The following LYRM4 variants were observed in gnomAD, a reference collection of about 807,000 sequenced individuals.
The protein encoded by LYRM4 is LYR motif-containing protein 4.
A neutral mutation model predicts 11.7 loss-of-function variants in LYRM4; 9 were observed. That is an observed-to-expected ratio of 0.77 (90% CI 0.46 to 1.34). LYRM4 has a LOEUF of 1.34. LYRM4 is among the 40% of genes most tolerant of loss of function. The probability of loss-of-function intolerance (pLI) is 0.00; values close to 1 mark genes in which losing one functional copy is unlikely to be tolerated. For missense variants in LYRM4, 133 were observed against 112.5 expected, an observed-to-expected ratio of 1.18 and a Z score of -0.82; for synonymous variants, 42 against 40.4, an observed-to-expected ratio of 1.04 and a Z score of -0.15.
intron 1 of LYRM4, among the ~76,000 whole-genome samples, chr6:5,219,435 G>A (rs148900453): frequency 1.3e-5 from 2 of 152,344 alleles, no homozygotes; most frequent in African/African-American, 2.4e-5. Context: ...GATGAATGCT[G>A]TAATGGTTCC....
Position 5,215,801 on chromosome 6 carries a change from T to C in LYRM4, c.207+817A>G, listed in dbSNP as rs549478187. On this transcript the variant is annotated intron_variant, in intron 2 of 2. Transcript: ENST00000330636. The stretch of plus-strand genomic sequence containing the variant: ...GTAAAGAGTTTCCCCCTCCACACTT[T>C]ATAAGCAAATTTCCTGCAAGTAAAA... Among the ~76,000 whole-genome samples, 13 of 152,302 alleles carry C rather than the reference T, an allele frequency of 8.5e-5. No homozygotes were observed. In the South Asian group the frequency reaches 2.7e-3, roughly 32 times the overall value.
the LYRM4 span, chr6:5,043,247 T>G: frequency 1.3e-5 from 2 of 150,934 alleles, no homozygotes; most frequent in African/African-American, 2.5e-5. Flanking sequence ...CCAATTTTTT[T>G]GAGATATATA....
chr6:5,127,200 T>C (rs1285575046), intron 2 of LYRM4, among the ~76,000 whole-genome samples: 1 of 152,204 alleles, frequency 6.6e-6, no homozygotes, highest in Non-Finnish European at 1.5e-5. Flanking sequence ...TCTGCCCACG[T>C]TGGCCTCCCA....
chr6:5,153,962 C>CT (rs2127643336), intron 2 of LYRM4, among the ~76,000 whole-genome samples: 1 of 152,242 alleles, frequency 6.6e-6, no homozygotes, highest in East Asian at 1.9e-4. Flanking sequence ...ATGGAATGCT[C>CT]TGATTGTAAA....
chr6:5,065,374 C>T, the LYRM4 span, among the ~76,000 whole-genome samples: 3 of 152,008 alleles, frequency 2.0e-5, no homozygotes, highest in Admixed American at 1.3e-4. Context: ...AAAATTTAAA[C>T]AATTTCATTC....
intron 2 of LYRM4, among the ~76,000 whole-genome samples, chr6:5,189,251 C>T (rs143437254): frequency 1.8e-4 from 28 of 152,260 alleles, no homozygotes; most frequent in Admixed American, 5.2e-4. Context: ...AAATTAAGTG[C>T]TTAGCCTAAG....
intron 1 of LYRM4, among the ~76,000 whole-genome samples, chr6:5,239,130 G>C (rs1394491100): frequency 6.6e-6 from 1 of 152,174 alleles, no homozygotes; most frequent in African/African-American, 2.4e-5. Flanking sequence ...ACAAAATGCA[G>C]ACAGAAACTG....
intron 2 of LYRM4, among the ~76,000 whole-genome samples, chr6:5,148,662 C>CCTCTCT (rs61670380): frequency 3.3e-4 from 49 of 150,560 alleles, no homozygotes; most frequent in Non-Finnish European, 5.0e-4. Flanking sequence ...CACACACACA[C>CCTCTCT]CTCTCTCTCT....
the LYRM4 span, among the ~76,000 whole-genome samples, chr6:5,096,192 C>T: frequency 1.3e-5 from 2 of 152,052 alleles, no homozygotes; most frequent in African/African-American, 4.8e-5. Flanking sequence ...AAAAACTAAA[C>T]AAAGAAACTG....
At chr6:5,177,882 G>A (rs1368776037) in intron 2 of LYRM4, among the ~76,000 whole-genome samples, 1 of 152,132 alleles carries the variant, frequency 6.6e-6, no homozygotes, top group Non-Finnish European at 1.5e-5. Flanking sequence ...GGCCTCACGC[G>A]CTCCTCAACA....
intron 2 of LYRM4, among the ~76,000 whole-genome samples, chr6:5,194,070 T>G (rs1406839615): frequency 3.7e-5 from 3 of 80,046 alleles, no homozygotes; most frequent in African/African-American, 5.1e-5. Flanking sequence ...AGGGTGTGTG[T>G]GGGGGGGTGG....
intron 1 of LYRM4, among the ~76,000 whole-genome samples, chr6:5,247,953 A>G (rs1764267761): frequency 6.6e-6 from 1 of 152,180 alleles, no homozygotes; most frequent in South Asian, 2.1e-4. Flanking sequence ...GATGAAAAAG[A>G]GAGAAATAAG....
At chr6:5,061,802 G>A in the LYRM4 span, among the ~76,000 whole-genome samples, 1 of 152,126 alleles carries the variant, frequency 6.6e-6, no homozygotes, top group Non-Finnish European at 1.5e-5. Context: ...GAATTACAAA[G>A]CACTGGAAGA....
intron 2 of LYRM4, among the ~76,000 whole-genome samples, chr6:5,149,007 C>T (rs1561831000): frequency 6.6e-6 from 1 of 152,036 alleles, no homozygotes; most frequent in Non-Finnish European, 1.5e-5. Flanking sequence ...TACTTTAAAC[C>T]TGAAATTTCA....
chr6:5,056,429 C>T, the LYRM4 span, among the ~76,000 whole-genome samples: 1 of 152,106 alleles, frequency 6.6e-6, no homozygotes, highest in Admixed American at 6.5e-5. Flanking sequence ...AATCTGAAAC[C>T]TTATTGTCAA....
chr6:5,050,623 G>A, the LYRM4 span, among the ~76,000 whole-genome samples: 6 of 152,042 alleles, frequency 3.9e-5, no homozygotes, highest in African/African-American at 1.5e-4. Context: ...GAGGCATTTG[G>A]AAAGTCATCA....
At chr6:5,132,237 T>C (rs1268668017) in intron 2 of LYRM4, among the ~76,000 whole-genome samples, 1 of 152,224 alleles carries the variant, frequency 6.6e-6, no homozygotes, top group Non-Finnish European at 1.5e-5. Flanking sequence ...CTTTACTTAG[T>C]TTCTCACCGT....
At chr6:5,086,513 C>T in the LYRM4 span, 46 of 1,534,738 alleles carry the variant, frequency 3.0e-5, no homozygotes, top group Middle Eastern at 1.7e-4. Context: ...GACAACAACG[C>T]GGGCGCCAAC....
At chr6:5,076,426 C>T in the LYRM4 span, among the ~76,000 whole-genome samples, 1 of 152,262 alleles carries the variant, frequency 6.6e-6, no homozygotes, top group South Asian at 2.1e-4. Context: ...CATTGATAGC[C>T]TTGGGCACAT....
Sources: gnomAD v4.1 joint callset for allele counts (sites outside exome capture counted in the v4.1 genomes callset) on GRCh38, gnomAD v4.1.1 for gene constraint, MANE v1.5 for transcripts, NCBI Gene and HGNC (gene_info 2026-07-23, HGNC 2026-07-21) for gene names.